Variants in GNB4 observed in about 807,000 individuals in gnomAD.
GNB4 encodes the protein G protein subunit beta 4, also known as guanine nucleotide-binding protein subunit beta-4.
Under a neutral mutation model 45.2 loss-of-function variants are expected in GNB4, and 28 were observed. The ratio of observed to expected loss-of-function variants is 0.62; its 90% CI spans 0.46 to 0.85. The LOEUF is 0.85. GNB4 is among the 40% of genes least tolerant of loss of function. GNB4 has a pLI of 0.00. For missense variants in GNB4, 321 were observed against 425.4 expected (o/e 0.75, Z 2.16); for synonymous variants, 132 against 143.7 (o/e 0.92, Z 0.58).
At chr3:179,433,511 G>A (rs1052691608) in intron 1 of GNB4, among the ~76,000 whole-genome samples, 1 of 151,846 alleles carries the variant, frequency 6.6e-6, no homozygotes, top group African/African-American at 2.4e-5. Flanking sequence ...GAGGCTGAGT[G>A]GGGGGATCGC....
the GNB4 span, among the ~76,000 whole-genome samples, chr3:179,501,666 C>T: frequency 6.6e-6 from 1 of 152,092 alleles, no homozygotes; most frequent in Non-Finnish European, 1.5e-5. Context: ...ATTTAAGGGG[C>T]AACTGAAATT....
At chr3:179,461,711 T>A in the GNB4 span, among the ~76,000 whole-genome samples, 5 of 151,802 alleles carry the variant, frequency 3.3e-5, no homozygotes, top group East Asian at 9.7e-4. Flanking sequence ...TAAAAACAAA[T>A]TTTTTTTTGC....
At chr3:179,404,416 A>T (rs1714402136) in intron 9 of GNB4, among the ~76,000 whole-genome samples, 1 of 152,134 alleles carries the variant, frequency 6.6e-6, no homozygotes, top group Admixed American at 6.5e-5. Context: ...TTATTTAGAG[A>T]TATGTAAGTA....
rs775578986 is a variant in GNB4 at position 179,413,513 on chromosome 3, C to T, written c.598G>A (p.Val200Ile). The T allele has an allele frequency of 1.5e-5, 25 of 1,613,944 alleles. No individual in the cohort carries two copies. The highest frequency in any genetic ancestry group is 1.2e-4 in the African/African-American group (9 of 74,916). Reference protein sequence around the residue: ...LSLSPDMRTFVSGACDASSKL... With the variant: ...LSLSPDMRTFISGACDASSKL... ...GAAGAGGCATCACAAGCACCAGAAA[C>T]AAAAGTCCTCATGTCAGGACTCAAA... Residue 200 changes from valine to isoleucine, a missense_variant, in exon 8 of 10, where the codon GTT becomes ATT. By Grantham distance (29) the Val-to-Ile change is conservative. Transcript: ENST00000232564.
At chr3:179,479,242 T>C in the GNB4 span, among the ~76,000 whole-genome samples, 1 of 152,186 alleles carries the variant, frequency 6.6e-6, no homozygotes, top group East Asian at 1.9e-4. Flanking sequence ...TTGTCGAATA[T>C]ACAAGACACC....
the GNB4 span, among the ~76,000 whole-genome samples, chr3:179,515,911 A>G: frequency 6.6e-6 from 1 of 152,140 alleles, no homozygotes; most frequent in Non-Finnish European, 1.5e-5. Flanking sequence ...GTTAGAAGAA[A>G]CATTTGTTGT....
At chr3:179,443,039 A>C (rs1715632228) in intron 1 of GNB4, among the ~76,000 whole-genome samples, 1 of 152,220 alleles carries the variant, frequency 6.6e-6, no homozygotes, top group Admixed American at 6.5e-5. Context: ...AAAAATTTTA[A>C]AAATCAATCC....
At chr3:179,462,798 T>C in the GNB4 span, among the ~76,000 whole-genome samples, 1 of 152,106 alleles carries the variant, frequency 6.6e-6, no homozygotes, top group Non-Finnish European at 1.5e-5. Context: ...GATCACACCA[T>C]TGCATTCTAG....
the GNB4 span, chr3:179,465,168 GAATA>G: frequency 7.9e-7 from 1 of 1,271,860 alleles, no homozygotes. Flanking sequence ...ACTGATATGG[GAATA>G]AATAGAGTTC....
chr3:179,425,718 G>A (rs1404107384), intron 2 of GNB4, among the ~76,000 whole-genome samples: 2 of 152,184 alleles, frequency 1.3e-5, no homozygotes, highest in Admixed American at 6.5e-5. Flanking sequence ...TGATCCACCT[G>A]CCTCAGCCTC....
chr3:179,485,376 T>C, the GNB4 span, among the ~76,000 whole-genome samples: 1 of 152,296 alleles, frequency 6.6e-6, no homozygotes, highest in East Asian at 1.9e-4. Context: ...TAAGTTAGTC[T>C]CTGCCCCTAC....
the GNB4 span, among the ~76,000 whole-genome samples, chr3:179,471,036 G>A: frequency 1.3e-5 from 2 of 151,838 alleles, no homozygotes; most frequent in East Asian, 1.9e-4. Flanking sequence ...AAAATTAGCC[G>A]GGCGTTGTGG....
the GNB4 span, among the ~76,000 whole-genome samples, chr3:179,523,280 T>A: frequency 6.6e-6 from 1 of 152,060 alleles, no homozygotes; most frequent in African/African-American, 2.4e-5. Context: ...GGGCTGTCCA[T>A]GAAGCCTTGC....
intron 1 of GNB4, among the ~76,000 whole-genome samples, chr3:179,431,488 T>C (rs1172514253): frequency 6.8e-6 from 1 of 147,582 alleles, no homozygotes; most frequent in Admixed American, 7.0e-5. Flanking sequence ...GAACCCAGGA[T>C]GCAGAGGCTG....
At chr3:179,442,658 G>C (rs192251729) in intron 1 of GNB4, among the ~76,000 whole-genome samples, 5 of 151,670 alleles carry the variant, frequency 3.3e-5, no homozygotes. Flanking sequence ...GTCTTGTTCT[G>C]TCGCCCAGGT....
chr3:179,423,157 G>C (rs1715043680), intron 2 of GNB4, among the ~76,000 whole-genome samples: 1 of 152,086 alleles, frequency 6.6e-6, no homozygotes, highest in Non-Finnish European at 1.5e-5. Context: ...ACATATATGT[G>C]GTTACTTCAA....
intron 8 of GNB4, among the ~76,000 whole-genome samples, chr3:179,408,053 T>C (rs1038087902): frequency 9.9e-5 from 15 of 152,190 alleles, no homozygotes; most frequent in Non-Finnish European, 1.8e-4. Flanking sequence ...CCAGTCTGAT[T>C]TTAGCTATGC....
At chr3:179,468,856 T>C in the GNB4 span, among the ~76,000 whole-genome samples, 1 of 152,152 alleles carries the variant, frequency 6.6e-6, no homozygotes, top group African/African-American at 2.4e-5. Flanking sequence ...CAGGAGAGAA[T>C]TATTAATAAC....
chr3:179,412,510 C>T (rs1231669126), intron 8 of GNB4, among the ~76,000 whole-genome samples: 1 of 152,068 alleles, frequency 6.6e-6, no homozygotes, highest in African/African-American at 2.4e-5. Context: ...ATACCATTTA[C>T]TGAGCATCTA....
Sources: gnomAD v4.1 joint callset for allele counts (sites outside exome capture counted in the v4.1 genomes callset) on GRCh38, gnomAD v4.1.1 for gene constraint, MANE v1.5 for transcripts, NCBI Gene and HGNC (gene_info 2026-07-23, HGNC 2026-07-21) for gene names.